The following ZMYND15 variants were observed in gnomAD, a reference collection of about 807,000 sequenced individuals.
The protein encoded by ZMYND15 is zinc finger MYND-type containing 15.
ZMYND15 carries 54 observed loss-of-function variants against 81.7 expected under a neutral mutation model. The ratio of observed to expected loss-of-function variants is 0.66; its 90% CI spans 0.53 to 0.83. The LOEUF (loss-of-function observed/expected upper bound fraction) is 0.83. Among genes scored for constraint, ZMYND15 ranks in the 40% least tolerant of loss-of-function variants. The pLI is 0.00. For synonymous variants in ZMYND15, 399 were observed against 387.0 expected, an observed-to-expected ratio of 1.03 and a Z score of -0.36; for missense variants, 925 against 973.5, an observed-to-expected ratio of 0.95 and a Z score of 0.66.
chr17:4,745,835 A>C lies in ZMYND15; in HGVS notation c.2074A>C (p.Ile692Leu). ...NCMSWYCNAF[I>L]FHLVYKPAQG... ...CCCCCGCAGGTACTGCAATGCCTTC[A>C]TCTTCCACCTGGTTTACAAGCCTGC... Residue 692 changes from isoleucine to leucine, a missense_variant, in exon 14 of 14, where the codon ATC (isoleucine) becomes CTC (leucine). Transcript: ENST00000433935. This position sits in a 1 kb window ranked among gnomAD's most constrained non-coding sequence, Gnocchi z 5.2. 2.5e-6 allele frequency: 4 copies of C among 1,599,616 alleles called. No individual in the cohort carries two copies. Among genetic ancestry groups the C allele is most frequent in the Non-Finnish European group, 3.4e-6 (4 of 1,174,950 alleles).
Position 4,743,703 on chromosome 17 carries a change from A to C in ZMYND15, c.1298-64A>C. 1 of 1,507,040 alleles carries C rather than the reference A, an allele frequency of 6.6e-7. No individual in the cohort carries two copies. Among genetic ancestry groups the C allele is most frequent in the Non-Finnish European group, 9.0e-7 (1 of 1,107,038 alleles). The allele number at this position is 1,507,040 out of a possible 1,614,324, so 93.4% of individuals were successfully genotyped here. A position where few individuals can be genotyped will look rare whatever the true frequency, so the allele number is the denominator to read the frequency against. ...AGGGAATACAGCCCCTTTGGAAGGA[A>C]GAAAGAGATGGGTCAGGTGGGGGTC... On this transcript the variant is annotated intron_variant, in intron 6 of 13. Coordinates refer to ENST00000433935, the MANE Select transcript of ZMYND15 (RefSeq NM_001136046.3). This position sits in a 1 kb window ranked among gnomAD's most constrained non-coding sequence, Gnocchi z 4.3.
chr17:4,742,609 T>TAGACC (rs1311225923), intron 5 of ZMYND15, 118 bp downstream of exon 5: 19 of 1,360,208 alleles, frequency 1.4e-5, no homozygotes, highest in Non-Finnish European at 1.4e-5. Flanking sequence ...GGCTAGAGCC[T>TAGACC]AGATCCCTGG....
chr17:4,740,649 C>G lies in ZMYND15; in HGVS notation c.101C>G (p.Thr34Ser). ...KFVAERGAVGTSLEGRCRQLE... is the reference protein window; with the variant it reads ...KFVAERGAVGSSLEGRCRQLE... Reference sequence around the variant, plus strand: ...GTGGCAGAGCGTGGAGCTGTAGGGACTAGCCTTGAGGGCCGCTGCCGGCAG... The same window carrying G: ...GTGGCAGAGCGTGGAGCTGTAGGGAGTAGCCTTGAGGGCCGCTGCCGGCAG... The change falls in exon 2 of 14, where the codon ACT becomes AGT. Residue 34 changes from threonine to serine, a missense_variant. Transcript: ENST00000433935. 1 of 1,614,222 alleles carries G rather than the reference C, an allele frequency of 6.2e-7. No individual in the cohort carries two copies.
Position 4,741,957 on chromosome 17 carries a change from C to T in ZMYND15, c.870C>T (p.Ala290=), listed in dbSNP as rs149242795. ...TCCCAAGGCTAGGTGTGAAGTTAGC[C>T]AAAACCCCAATGCGGACATGGGGTC... ...SLVPRLGVKL[A]KTPMRTWGPR... Residue 290 remains alanine (A), a synonymous_variant, in exon 4 of 14, where the codon GCC becomes GCT. Transcript: ENST00000433935. 2.8e-4 allele frequency: 447 copies of T among 1,614,056 alleles called. 1 individual carries two copies. The highest frequency in any genetic ancestry group is 4.3e-5 in the Non-Finnish European group (51 of 1,180,028).
chr17:4,743,286 C>CCCTTCT lies in ZMYND15; in HGVS notation c.1145-8_1145-3dup, dbSNP rs200092260. The CCCTTCT allele has an allele frequency of 6.2e-7, 1 of 1,605,154 alleles. No homozygotes were observed. The highest frequency in any genetic ancestry group is 2.2e-5 in the East Asian group (1 of 44,810). On this transcript the variant is annotated splice_polypyrimidine_tract_variant and intron_variant, in intron 5 of 13. Transcript: ENST00000433935. This position sits in a 1 kb window ranked among gnomAD's most constrained non-coding sequence, Gnocchi z 4.3. ...TTCTAGCCCAGCACCTCAACTCCTC[C>CCCTTCT]CCTTCTCCTTCTCCAGAGGTGACCA...
rs1244246260 is a variant in ZMYND15, at chr17:4,741,228, G to A, written c.592+88G>A. On this transcript the variant is annotated intron_variant, in intron 2 of 13. Coordinates refer to ENST00000433935, the MANE Select transcript of ZMYND15 (RefSeq NM_001136046.3). The stretch of plus-strand genomic sequence containing the variant: ...CCCCTGCCACTAGTTCTGAGTGCTG[G>A]CCTTCAGGCCAATCTGGCCTGAAAA... 8 of 1,346,190 alleles carry A rather than the reference G, an allele frequency of 5.9e-6. No homozygotes were observed. In the East Asian group the frequency reaches 2.0e-4, roughly 34 times the overall value. 83.4% of individuals were successfully genotyped at this position (1,346,190 alleles called of 1,614,324 possible).
At position 4,744,039 on chromosome 17, in the gene ZMYND15, C is replaced by A; in HGVS notation, c.1427C>A (p.Pro476His). The A allele has an allele frequency of 6.4e-7, 1 of 1,553,910 alleles. No homozygotes were observed. The highest frequency in any genetic ancestry group is 2.4e-5 in the East Asian group (1 of 40,964). The change falls in exon 8 of 14, where the codon CCC becomes CAC. Residue 476 changes from proline to histidine, a missense_variant. Pro to His is a moderately conservative substitution (Grantham distance 77). Coordinates refer to ENST00000433935, the MANE Select transcript of ZMYND15 (RefSeq NM_001136046.3). The surrounding 1 kb of genome is among the most constrained non-coding windows in gnomAD (Gnocchi z 4.1). ...TGGCGGGGCCTCAGCTTGGACTCCCCCATAGCCGTGCTTCTCACCTACCCG... is the reference window on the plus strand; with the variant it reads ...TGGCGGGGCCTCAGCTTGGACTCCCACATAGCCGTGCTTCTCACCTACCCG... ...YTWRGLSLDS[P>H]IAVLLTYPLT... is the part of the protein sequence containing the mutation.
At position 4,741,979 on chromosome 17, in the gene ZMYND15, G is replaced by T. The variant is rs1437918245; in HGVS notation, c.892G>T (p.Gly298Cys). 1.9e-6 allele frequency: 3 copies of T among 1,614,054 alleles called. No individual in the cohort carries two copies. The highest frequency in any genetic ancestry group is 1.3e-5 in the African/African-American group (1 of 74,922). The part of the protein sequence containing the change: ...KLAKTPMRTW[G>C]PRPGFTFASL... ...AGCCAAAACCCCAATGCGGACATGGGGTCCCCGGCCAGGCTTCACCTTTGC... is the reference window on the plus strand; with the variant it reads ...AGCCAAAACCCCAATGCGGACATGGTGTCCCCGGCCAGGCTTCACCTTTGC... The change falls in exon 4 of 14, where the codon GGT becomes TGT. Residue 298 changes from glycine (G) to cysteine (C), a missense_variant. Physicochemically the swap from Gly to Cys is radical, Grantham distance 159. Transcript: ENST00000433935.
chr17:4,745,576 G>C lies in ZMYND15; in HGVS notation c.2057+201G>C, dbSNP rs1390197063. ...ACATCCCCCAGCACACCCCTCTTTA[G>C]ATCTAGCTCACGGAATCTCCCCAAC... On this transcript the variant is annotated intron_variant, in intron 13 of 13. Coordinates refer to ENST00000433935, the MANE Select transcript of ZMYND15 (RefSeq NM_001136046.3). This position sits in a 1 kb window ranked among gnomAD's most constrained non-coding sequence, Gnocchi z 5.2. 6.6e-6 allele frequency among the ~76,000 whole-genome samples: 1 copy of C among 151,558 alleles called. No individual in the cohort carries two copies. Among genetic ancestry groups the C allele is most frequent in the Admixed American group, 6.6e-5 (1 of 15,236 alleles).
chr17:4,745,767 A>ACCCCTGGGAGCGCCGT lies in ZMYND15; in HGVS notation c.2058-42_2058-41insCGCCGTCCCCTGGGAG, dbSNP rs1567700472. 3.6e-6 allele frequency: 5 copies of ACCCCTGGGAGCGCCGT among 1,398,902 alleles called. No homozygotes were observed. Among genetic ancestry groups the ACCCCTGGGAGCGCCGT allele is most frequent in the Admixed American group, 4.6e-5 (2 of 43,406 alleles). 86.7% of individuals were successfully genotyped at this position (1,398,902 alleles called of 1,614,324 possible). A position where few individuals can be genotyped will look rare whatever the true frequency, so the allele number is the denominator to read the frequency against. On this transcript the variant is annotated intron_variant, in intron 13 of 13. Coordinates refer to ENST00000433935, the MANE Select transcript of ZMYND15 (RefSeq NM_001136046.3). The surrounding 1 kb of genome is among the most constrained non-coding windows in gnomAD (Gnocchi z 5.2). ...GGAGCCCCGACCCCTGGGAGCGCCG[A>ACCCCTGGGAGCGCCGT]CCCCTGGGAGTCCCGCCCCGTGGTC...
At position 4,743,515 on chromosome 17, in the gene ZMYND15, T is replaced by C; in HGVS notation, c.1297+60T>C. ...CCTAGAGGGAAGGACTGGGAAGAAGTTGTCTGGGTCCCAGATGATCCCTCC... is the reference window on the plus strand; with the variant it reads ...CCTAGAGGGAAGGACTGGGAAGAAGCTGTCTGGGTCCCAGATGATCCCTCC... On this transcript the variant is annotated intron_variant, in intron 6 of 13. Transcript: ENST00000433935. The surrounding 1 kb of genome is among the most constrained non-coding windows in gnomAD (Gnocchi z 4.3). 1 of 1,596,998 alleles carries C rather than the reference T, an allele frequency of 6.3e-7. No homozygotes were observed. Among genetic ancestry groups the C allele is most frequent in the East Asian group, 2.2e-5 (1 of 44,778 alleles).
rs753369529 is a variant in ZMYND15, at chr17:4,744,870, G to C, written c.1838G>C (p.Gly613Ala). Residue 613 changes from glycine (G) to alanine (A), a missense_variant and splice_region_variant, in exon 12 of 14, where the codon GGA becomes GCA. Gly to Ala is a moderately conservative substitution (Grantham distance 60). Transcript: ENST00000433935. This position sits in a 1 kb window ranked among gnomAD's most constrained non-coding sequence, Gnocchi z 4.1. ...GCTTCTCCCTCCTCTCTGTCTGCAGGATTTAACTCCGGGTTTGCTCTCAAG... is the reference window on the plus strand; with the variant it reads ...GCTTCTCCCTCCTCTCTGTCTGCAGCATTTAACTCCGGGTTTGCTCTCAAG... ...FQGPKPDLVI[G>A]FNSGFALKDT... 6.2e-7 allele frequency: 1 copy of C among 1,614,126 alleles called. No homozygotes were observed. The highest frequency in any genetic ancestry group is 1.1e-5 in the South Asian group (1 of 91,076).
Position 4,740,851 on chromosome 17 carries a change from C to T in ZMYND15, c.303C>T (p.Ser101=), listed in dbSNP as rs556766795. ...CTCCACTCCACCTGCGAGACCTGAG[C>T]CCCTACATCAGCTTTGTCAGCCTAG... ...DNPPLHLRDL[S]PYISFVSLED... Residue 101 remains serine (S), a synonymous_variant, in exon 2 of 14, where the codon AGC becomes AGT. Transcript: ENST00000433935. 3.9e-5 allele frequency: 62 copies of T among 1,575,540 alleles called. No homozygotes were observed. In the Middle Eastern group the frequency reaches 5.1e-4, roughly 13 times the overall value.
chr17:4,740,169 T>C (rs1916321238), intron 1 of ZMYND15, 119 bp downstream of exon 1: 1 of 774,794 alleles, frequency 1.3e-6, no homozygotes, highest in South Asian at 5.7e-5. Flanking sequence ...GCATCCAAAA[T>C]GCTTCCCTCC....
rs1016717076 is a variant in ZMYND15, at chr17:4,744,147, G to A, written c.1495+40G>A. 5.6e-6 allele frequency: 9 copies of A among 1,613,034 alleles called. No homozygotes were observed. Among genetic ancestry groups the A allele is most frequent in the Non-Finnish European group, 7.6e-6 (9 of 1,179,240 alleles). ...GTGGGGGGTGGAGCAGGATGGGGGA[G>A]TGAGAGTGGACCACATCCTTAAAGC... On this transcript the variant is annotated intron_variant, in intron 8 of 13. Coordinates refer to ENST00000433935, the MANE Select transcript of ZMYND15 (RefSeq NM_001136046.3). This position sits in a 1 kb window ranked among gnomAD's most constrained non-coding sequence, Gnocchi z 4.1.
chr17:4,742,053 A>C lies in ZMYND15; in HGVS notation c.966A>C (p.Glu322Asp). 1 of 1,614,186 alleles carries C rather than the reference A, an allele frequency of 6.2e-7. No individual in the cohort carries two copies. The highest frequency in any genetic ancestry group is 8.5e-7 in the Non-Finnish European group (1 of 1,180,030). Residue 322 changes from glutamate (E) to aspartate (D), a missense_variant, in exon 4 of 14, where the codon GAA (glutamate) becomes GAC (aspartate). Glu to Asp is a conservative substitution (Grantham distance 45). Transcript: ENST00000433935. Reference sequence around the variant, plus strand: ...ATGTGTGTCACAGGCACAGCTTTGAAGCGAAGCTGACACCTTGGTGAGCAG... The same window carrying C: ...ATGTGTGTCACAGGCACAGCTTTGACGCGAAGCTGACACCTTGGTGAGCAG... ...TCHVCHRHSF[E>D]AKLTPCPQCS... is the part of the protein sequence containing the mutation.
At chr17:4,740,453 G>T in intron 1 of ZMYND15, 66 bp from the exon 2 acceptor site, 3 of 1,437,526 alleles carry the variant, frequency 2.1e-6, no homozygotes, top group Non-Finnish European at 1.8e-6. Context: ...CCCTCAATTT[G>T]TGACCCAGCC....
chr17:4,740,134 G>C, intron 1 of ZMYND15, 84 bp downstream of exon 1: 2 of 947,854 alleles, frequency 2.1e-6, no homozygotes, highest in Non-Finnish European at 2.5e-6. Flanking sequence ...GAACCCCCTC[G>C]CTCCCACTCC....
chr17:4,744,469 T>G lies in ZMYND15; in HGVS notation c.1683+2T>G. 2 of 1,613,740 alleles carry G rather than the reference T, an allele frequency of 1.2e-6. No homozygotes were observed. ...GAGCAGCATTTTACCCTGCAGAGGG[T>G]GAGGGCTGAGGGGGCCCTGCTTTTC... On this transcript the variant is annotated splice_donor_variant, in intron 10 of 13. Transcript: ENST00000433935. LOFTEE classifies it high-confidence loss of function. The surrounding 1 kb of genome is among the most constrained non-coding windows in gnomAD (Gnocchi z 4.1).
Sources: gnomAD v4.1 joint callset for allele counts (sites outside exome capture counted in the v4.1 genomes callset) on GRCh38, gnomAD v4.1.1 for gene constraint, Gnocchi (gnomAD v3.1) non-coding constraint, MANE v1.5 for transcripts, NCBI Gene and HGNC (gene_info 2026-07-23, HGNC 2026-07-21) for gene names.